Variants in ATE1 observed in about 807,000 individuals in gnomAD.
ATE1 encodes the protein arginyl-tRNA--protein transferase 1.
A neutral mutation model predicts 70.5 loss-of-function variants in ATE1; 36 were observed. The ratio of observed to expected loss-of-function variants is 0.51; its 90% CI spans 0.39 to 0.67. ATE1 has a LOEUF of 0.67. Ranked by LOEUF, ATE1 falls within the 30% of genes least tolerant of loss-of-function variation. The probability of loss-of-function intolerance (pLI) is 0.00; values close to 1 mark genes in which losing one functional copy is unlikely to be tolerated. For missense variants in ATE1, 593 were observed against 629.5 expected (o/e 0.94, Z 0.62); for synonymous variants, 232 against 219.3 (o/e 1.06, Z -0.51).
chr10:121,753,983 G>A (rs777159419), intron 11 of ATE1, among the ~76,000 whole-genome samples: 1 of 152,088 alleles, frequency 6.6e-6, no homozygotes, highest in Non-Finnish European at 1.5e-5. Flanking sequence ...TAAATATACT[G>A]AGAAAATGGG....
chr10:121,878,955 A>G (rs913501495), intron 7 of ATE1, among the ~76,000 whole-genome samples: 35 of 152,334 alleles, frequency 2.3e-4, no homozygotes, highest in African/African-American at 8.2e-4. Flanking sequence ...AAAGCAATAA[A>G]ATCCAGAGAT....
chr10:121,823,154 G>C (rs1947867023), intron 10 of ATE1, among the ~76,000 whole-genome samples: 1 of 152,114 alleles, frequency 6.6e-6, no homozygotes, highest in African/African-American at 2.4e-5. Context: ...GCCAGGCACG[G>C]TGGCGGGCGC....
At chr10:121,864,118 T>C (rs1316903155) in intron 8 of ATE1, among the ~76,000 whole-genome samples, 2 of 152,208 alleles carry the variant, frequency 1.3e-5, no homozygotes, top group Non-Finnish European at 2.9e-5. Flanking sequence ...TTTAAAAAAT[T>C]TAAAATTCAG....
At chr10:121,920,459 C>T (rs1310227071) in intron 3 of ATE1, among the ~76,000 whole-genome samples, 1 of 151,022 alleles carries the variant, frequency 6.6e-6, no homozygotes, top group African/African-American at 2.4e-5. Context: ...TTGAGCCTGG[C>T]AGGCAGGCTG....
intron 10 of ATE1, among the ~76,000 whole-genome samples, chr10:121,811,289 G>C (rs1406941130): frequency 6.6e-6 from 1 of 151,924 alleles, no homozygotes; most frequent in Non-Finnish European, 1.5e-5. Context: ...GAGAGAGGGG[G>C]AGAAAAGAGG....
At chr10:121,887,288 T>G (rs1950434406) in intron 7 of ATE1, among the ~76,000 whole-genome samples, 1 of 152,176 alleles carries the variant, frequency 6.6e-6, no homozygotes, top group African/African-American at 2.4e-5. Context: ...CTTTCCACAC[T>G]CATTGTCTAA....
At chr10:121,921,826 T>C (rs931966544) in intron 3 of ATE1, among the ~76,000 whole-genome samples, 4 of 152,186 alleles carry the variant, frequency 2.6e-5, no homozygotes, top group Admixed American at 2.6e-4. Flanking sequence ...CCCAGTCTTT[T>C]AGACGTTGAG....
intron 11 of ATE1, among the ~76,000 whole-genome samples, chr10:121,763,103 T>C (rs60800783): frequency 0.014 from 2,095 of 152,276 alleles, 46 homozygotes; most frequent in African/African-American, 0.048. Context: ...TAGGAATCTG[T>C]CCTATGAAAA....
At chr10:121,770,617 A>G (rs1945471413) in intron 11 of ATE1, among the ~76,000 whole-genome samples, 1 of 152,128 alleles carries the variant, frequency 6.6e-6, no homozygotes, top group Non-Finnish European at 1.5e-5. Flanking sequence ...TAATTCTTTG[A>G]TCAATAAAGC....
intron 7 of ATE1, among the ~76,000 whole-genome samples, chr10:121,890,205 A>T (rs535751319): frequency 6.6e-6 from 1 of 152,240 alleles, no homozygotes; most frequent in African/African-American, 2.4e-5. Flanking sequence ...ATCTAAAACG[A>T]TATCACAAAA....
chr10:121,815,247 T>C (rs990949615), intron 10 of ATE1, among the ~76,000 whole-genome samples: 1 of 152,208 alleles, frequency 6.6e-6, no homozygotes, highest in African/African-American at 2.4e-5. Flanking sequence ...GCCATTCTCC[T>C]GCCTCAGCCT....
intron 10 of ATE1, among the ~76,000 whole-genome samples, chr10:121,827,381 G>T (rs1479725501): frequency 6.6e-6 from 1 of 152,088 alleles, no homozygotes. Context: ...CTGATGGCCC[G>T]CAATTCCTGA....
chr10:121,755,310 A>G (rs1944752201), intron 11 of ATE1, among the ~76,000 whole-genome samples: 1 of 152,208 alleles, frequency 6.6e-6, no homozygotes, highest in Non-Finnish European at 1.5e-5. Context: ...GTTTTCAGCT[A>G]ATACACACTG....
chr10:121,779,110 T>C (rs111677116), intron 11 of ATE1, among the ~76,000 whole-genome samples: 256 of 152,310 alleles, frequency 1.7e-3, no homozygotes, highest in African/African-American at 5.5e-3. Flanking sequence ...CTAGTTCTCA[T>C]AGAGACCTCC....
chr10:121,884,104 T>TAAA (rs1950306520), intron 7 of ATE1, among the ~76,000 whole-genome samples: 1 of 6,998 alleles, frequency 1.4e-4, no homozygotes, highest in African/African-American at 3.3e-4. Flanking sequence ...AGACCCAGAC[T>TAAA]CAAAAAAAAA....
chr10:121,822,255 A>G (rs952618874), intron 10 of ATE1, among the ~76,000 whole-genome samples: 5 of 152,232 alleles, frequency 3.3e-5, no homozygotes, highest in African/African-American at 1.2e-4. Flanking sequence ...AAATCTCACA[A>G]AGATAATGTT....
intron 11 of ATE1, among the ~76,000 whole-genome samples, chr10:121,764,192 C>A (rs1945177813): frequency 1.3e-5 from 1 of 74,822 alleles, no homozygotes; most frequent in Non-Finnish European, 2.8e-5. Context: ...CTTCTGTGAA[C>A]CTAAAGCTGT....
At chr10:121,907,590 C>T (rs1364370633) in intron 5 of ATE1, among the ~76,000 whole-genome samples, 3 of 151,964 alleles carry the variant, frequency 2.0e-5, no homozygotes, top group East Asian at 1.9e-4. Context: ...CTGGCTAACA[C>T]GGTGAAACCC....
chr10:121,817,431 C>T (rs887487708), intron 10 of ATE1, among the ~76,000 whole-genome samples: 67 of 151,688 alleles, frequency 4.4e-4, no homozygotes, highest in Non-Finnish European at 3.2e-4. Context: ...CCCAGCTACT[C>T]GGGAGGCTGA....
Sources: gnomAD v4.1 joint callset for allele counts (sites outside exome capture counted in the v4.1 genomes callset) on GRCh38, gnomAD v4.1.1 for gene constraint, MANE v1.5 for transcripts, NCBI Gene and HGNC (gene_info 2026-07-23, HGNC 2026-07-21) for gene names.